BDH1: variants seen among roughly 807,000 people sequenced by gnomAD.
BDH1 encodes 3-hydroxybutyrate dehydrogenase 1, also known as D-beta-hydroxybutyrate dehydrogenase, mitochondrial.
Under a neutral mutation model 33.1 loss-of-function variants are expected in BDH1, and 30 were observed. That is an observed-to-expected ratio of 0.91 (90% CI 0.68 to 1.23). BDH1 has a LOEUF of 1.23. Ranked by LOEUF, BDH1 falls within the 50% of genes most tolerant of loss-of-function variation. The pLI is 0.00. For synonymous variants in BDH1, 190 were observed against 183.6 expected (o/e 1.03, Z -0.28); for missense variants, 443 against 464.4 (o/e 0.95, Z 0.42).
At chr3:197,532,216 A>AGGATGGAT (rs1380657708) in intron 5 of BDH1, among the ~76,000 whole-genome samples, 196 bp downstream of exon 5, 3 of 152,130 alleles carry the variant, frequency 2.0e-5, no homozygotes, top group African/African-American at 7.2e-5. Context: ...GATAGATGAG[A>AGGATGGAT]GGATGGATGG....
chr3:197,548,346 A>C (rs1716265257), intron 2 of BDH1, among the ~76,000 whole-genome samples: 1 of 152,214 alleles, frequency 6.6e-6, no homozygotes, highest in Non-Finnish European at 1.5e-5. Flanking sequence ...CCTCCCTCCA[A>C]GACCCAGGAC....
In BDH1 at chr3:197,526,748, C is replaced by T. The variant is rs989180156; in HGVS notation, c.268-3967G>A. The stretch of plus-strand genomic sequence containing the variant: ...GATAGCCCTCTCCCGACCAGCTCTC[C>T]GTGCTCCGCTCCCAGACGAGCCACT... On this transcript the variant is annotated intron_variant, in intron 5 of 7. Transcript: ENST00000392379. This position sits in a 1 kb window ranked among gnomAD's most constrained non-coding sequence, Gnocchi z 4.7. Among the ~76,000 whole-genome samples, 1 of 152,210 alleles carries T rather than the reference C, an allele frequency of 6.6e-6. No homozygotes were observed. The highest frequency in any genetic ancestry group is 2.1e-4 in the South Asian group (1 of 4,832).
rs775390058 is a variant in BDH1, at chr3:197,514,796, G to C, written c.410-380C>G. Among the ~76,000 whole-genome samples the C allele has an allele frequency of 1.3e-4, 20 of 152,138 alleles. No homozygotes were observed. Among genetic ancestry groups the C allele is most frequent in the Non-Finnish European group, 2.9e-4 (20 of 68,018 alleles). The stretch of plus-strand genomic sequence containing the variant: ...AGTTTGAGTTTCACGCCCCGTTCCT[G>C]TTTACTCATCTCTGCCCTTGAGCTT... On this transcript the variant is annotated intron_variant, in intron 6 of 7. Transcript: ENST00000392379. The surrounding 1 kb of genome is among the most constrained non-coding windows in gnomAD (Gnocchi z 4.2).
chr3:197,569,662 G>A (rs922394168), intron 1 of BDH1, among the ~76,000 whole-genome samples: 22 of 152,112 alleles, frequency 1.4e-4, no homozygotes, highest in Admixed American at 1.2e-3. Flanking sequence ...AACCCCTTTT[G>A]CTTGGCTTTC....
chr3:197,556,548 A>G (rs1047270965), upstream of BDH1, among the ~76,000 whole-genome samples: 1 of 152,144 alleles, frequency 6.6e-6, no homozygotes, highest in Non-Finnish European at 1.5e-5. Context: ...CACGCCTGTA[A>G]TCCCAGCTAC....
In BDH1 at chr3:197,526,766, G is replaced by A. The variant is rs1714139816; in HGVS notation, c.268-3985C>T. 6.6e-6 allele frequency among the ~76,000 whole-genome samples: 1 copy of A among 152,208 alleles called. No homozygotes were observed. The highest frequency in any genetic ancestry group is 1.5e-5 in the Non-Finnish European group (1 of 68,036). On this transcript the variant is annotated intron_variant, in intron 5 of 7. Coordinates refer to ENST00000392379, the MANE Select transcript of BDH1 (RefSeq NM_203314.3). This position sits in a 1 kb window ranked among gnomAD's most constrained non-coding sequence, Gnocchi z 4.7. The stretch of plus-strand genomic sequence containing the variant: ...AGCTCTCCGTGCTCCGCTCCCAGAC[G>A]AGCCACTCCTGTCTCAATCTCGGGC...
chr3:197,514,691 G>T lies in BDH1; in HGVS notation c.410-275C>A, dbSNP rs778707639. 2.0e-5 allele frequency among the ~76,000 whole-genome samples: 3 copies of T among 152,062 alleles called. No individual in the cohort carries two copies. Among genetic ancestry groups the T allele is most frequent in the Non-Finnish European group, 4.4e-5 (3 of 68,002 alleles). On this transcript the variant is annotated intron_variant, in intron 6 of 7. Coordinates refer to ENST00000392379, the MANE Select transcript of BDH1 (RefSeq NM_203314.3). This position sits in a 1 kb window ranked among gnomAD's most constrained non-coding sequence, Gnocchi z 4.2. ...TGGGCCCATCATGACCCAGCCTGCC[G>T]TGTCCCCCGGCCTTCAGTCTCACCT...
At chr3:197,552,019 C>A (rs567262872) in intron 2 of BDH1, among the ~76,000 whole-genome samples, 1 of 152,338 alleles carries the variant, frequency 6.6e-6, no homozygotes, top group South Asian at 2.1e-4. Context: ...ATGCCGCCAA[C>A]TCCCGAAGGT....
At chr3:197,533,653 C>T in intron 3 of BDH1, 92 bp from the exon 4 acceptor site, 1 of 1,271,620 alleles carries the variant, frequency 7.9e-7, no homozygotes, top group Non-Finnish European at 1.1e-6. Context: ...TCTCTCCAGC[C>T]CCGGCTCCTG....
At chr3:197,524,811 G>A (rs1423570763) in intron 5 of BDH1, among the ~76,000 whole-genome samples, 3 of 152,106 alleles carry the variant, frequency 2.0e-5, no homozygotes, top group African/African-American at 7.2e-5. Context: ...GCATTGGACA[G>A]GAGGTCGGGC....
chr3:197,564,222 T>C (rs947803684), intron 1 of BDH1, among the ~76,000 whole-genome samples: 1 of 151,640 alleles, frequency 6.6e-6, no homozygotes, highest in Non-Finnish European at 1.5e-5. Context: ...TAGAGTAAAA[T>C]GACTGGTTGC....
At chr3:197,549,523 G>C (rs747376211) in intron 2 of BDH1, among the ~76,000 whole-genome samples, 1 of 152,206 alleles carries the variant, frequency 6.6e-6, no homozygotes, top group African/African-American at 2.4e-5. Flanking sequence ...CAGAGGCAAG[G>C]TATCCGCAGC....
chr3:197,541,460 A>C (rs1188449810), intron 3 of BDH1, among the ~76,000 whole-genome samples: 5 of 152,126 alleles, frequency 3.3e-5, no homozygotes, highest in Admixed American at 2.0e-4. Context: ...ATATTTGCAA[A>C]TGAAATACCA....
rs1711814804 is a variant in BDH1, at chr3:197,510,598, GGGTGTGTGTGTGTGTGT to G, written c.*1280_*1296del. The G allele has an allele frequency of 8.1e-6, 1 of 123,328 alleles. No individual in the cohort carries two copies. The highest frequency in any genetic ancestry group is 3.8e-5 in the African/African-American group (1 of 26,502). 7.6% of individuals were successfully genotyped at this position (123,328 alleles called of 1,614,324 possible). ...GCCACGCTGAAGCCCTGCAGAACAG[GGGTGTGTGTGTGTGTGT>G]GTGTGTGTGTGTGTGTGTGTGTGTG... On this transcript the variant is annotated 3_prime_UTR_variant, in exon 8 of 8. Transcript: ENST00000392379.
intron 3 of BDH1, 85 bp from the exon 4 acceptor site, chr3:197,533,646 C>T: frequency 7.4e-7 from 1 of 1,351,536 alleles, no homozygotes. Flanking sequence ...CTGGGTGTCT[C>T]TCCAGCCCCG....
In BDH1 at chr3:197,510,833, C is replaced by G. The variant is rs1007779051; in HGVS notation, c.*1062G>C. On this transcript the variant is annotated 3_prime_UTR_variant, in exon 8 of 8. Coordinates refer to ENST00000392379, the MANE Select transcript of BDH1 (RefSeq NM_203314.3). ...TCGTGCCAAGCCTGCCCCATCGACA[C>G]CGGCCCCACCCAAGGCAAAACCAAG... The G allele has an allele frequency of 1.3e-5, 2 of 152,544 alleles. No homozygotes were observed. The highest frequency in any genetic ancestry group is 4.8e-5 in the African/African-American group (2 of 41,340). 9.4% of individuals were successfully genotyped at this position (152,544 alleles called of 1,614,324 possible). A position where few individuals can be genotyped will look rare whatever the true frequency, so the allele number is the denominator to read the frequency against.
At position 197,526,415 on chromosome 3, in the gene BDH1, C is replaced by G. The variant is rs1475309482; in HGVS notation, c.268-3634G>C. Among the ~76,000 whole-genome samples, 2 of 152,228 alleles carry G rather than the reference C, an allele frequency of 1.3e-5. No individual in the cohort carries two copies. Among genetic ancestry groups the G allele is most frequent in the Non-Finnish European group, 2.9e-5 (2 of 68,034 alleles). ...GTAGTCGTCTGAGGCTGGCTAATGTCTGCTGTTGCTGCCCCTGAGAGAGCA... is the reference window on the plus strand; with the variant it reads ...GTAGTCGTCTGAGGCTGGCTAATGTGTGCTGTTGCTGCCCCTGAGAGAGCA... On this transcript the variant is annotated intron_variant, in intron 5 of 7. Transcript: ENST00000392379. This position sits in a 1 kb window ranked among gnomAD's most constrained non-coding sequence, Gnocchi z 4.7.
At position 197,540,886 on chromosome 3, in the gene BDH1, G is replaced by A. The variant is rs890159440; in HGVS notation, c.83+5475C>T. Among the ~76,000 whole-genome samples, 7 of 152,196 alleles carry A rather than the reference G, an allele frequency of 4.6e-5. No individual in the cohort carries two copies. In the South Asian group the frequency reaches 8.3e-4, roughly 18 times the overall value. ...TCCAGAGAGCAGAAGGTTCTATCTC[G>A]ACTCACCTGCCCCCCCCACAGCAAT... On this transcript the variant is annotated intron_variant, in intron 3 of 7. Transcript: ENST00000392379.
At chr3:197,533,230 G>A (rs946909298) in intron 4 of BDH1, among the ~76,000 whole-genome samples, 4 of 151,722 alleles carry the variant, frequency 2.6e-5, no homozygotes, top group South Asian at 2.1e-4. Context: ...GGGAGTTCTC[G>A]CCCCCCACCT....
Sources: gnomAD v4.1 joint callset for allele counts (sites outside exome capture counted in the v4.1 genomes callset) on GRCh38, gnomAD v4.1.1 for gene constraint, Gnocchi (gnomAD v3.1) non-coding constraint, MANE v1.5 for transcripts, NCBI Gene and HGNC (gene_info 2026-07-23, HGNC 2026-07-21) for gene names.